SPIDR: variants seen among roughly 807,000 people sequenced by gnomAD.
SPIDR encodes DNA repair-scaffolding protein.
Under a neutral mutation model 104.6 loss-of-function variants are expected in SPIDR, and 93 were observed. That is an observed-to-expected ratio of 0.89 (90% confidence interval 0.75 to 1.06). The LOEUF (loss-of-function observed/expected upper bound fraction) is 1.06. Among genes scored for constraint, SPIDR ranks in the 50% least tolerant of loss-of-function variants. The probability of loss-of-function intolerance (pLI) is 0.00; values close to 1 mark genes in which losing one functional copy is unlikely to be tolerated. For missense variants in SPIDR, 1,154 were observed against 1,111.2 expected (o/e 1.04, Z -0.55); for synonymous variants, 431 against 416.9 (o/e 1.03, Z -0.41).
chr8:47,620,352 G>T (rs190059415), intron 10 of SPIDR, among the ~76,000 whole-genome samples: 79 of 145,340 alleles, frequency 5.4e-4, no homozygotes, highest in Non-Finnish European at 4.5e-5. Context: ...TTGGCTCACT[G>T]CAACCTCTGC....
chr8:47,552,874 G>A (rs1167834490), intron 8 of SPIDR, among the ~76,000 whole-genome samples: 4 of 152,152 alleles, frequency 2.6e-5, no homozygotes, highest in Non-Finnish European at 5.9e-5. Flanking sequence ...TTTACAATTT[G>A]GCATGTTTTT....
chr8:47,322,202 A>G lies in SPIDR; in HGVS notation c.525+28172A>G, dbSNP rs992707400. On this transcript the variant is annotated intron_variant, in intron 5 of 19. Transcript: ENST00000297423. ...ATTTTTACAGTCTGCTCATCTGACA[A>G]AGGGCTAATATCCAGAATCTACAAT... is the stretch of plus-strand genomic sequence containing the variant. Among the ~76,000 whole-genome samples the G allele has an allele frequency of 6.6e-5, 10 of 152,336 alleles. No homozygotes were observed. The East Asian group carries it at 1.7e-3, about 26-fold the overall frequency.
At chr8:47,505,448 T>C (rs992238727) in intron 8 of SPIDR, among the ~76,000 whole-genome samples, 5 of 152,298 alleles carry the variant, frequency 3.3e-5, no homozygotes, top group Middle Eastern at 6.8e-3. Flanking sequence ...GTGCGGGATA[T>C]AATCTCCTGG....
intron 17 of SPIDR, 122 bp from the exon 18 acceptor site, chr8:47,728,811 T>G: frequency 8.3e-7 from 1 of 1,197,938 alleles, no homozygotes; most frequent in Non-Finnish European, 1.2e-6. Flanking sequence ...AACTTGATTC[T>G]GAGAGTAAAG....
At chr8:47,505,805 C>T (rs1321544520) in intron 8 of SPIDR, among the ~76,000 whole-genome samples, 2 of 152,178 alleles carry the variant, frequency 1.3e-5, no homozygotes, top group Admixed American at 6.5e-5. Flanking sequence ...CAGTGCCACC[C>T]GGGCTTCCCT....
chr8:47,504,274 G>A (rs1211728180), intron 8 of SPIDR, among the ~76,000 whole-genome samples: 2 of 152,184 alleles, frequency 1.3e-5, no homozygotes, highest in African/African-American at 2.4e-5. Context: ...AGGTACACCA[G>A]TCAGACATAG....
At chr8:47,354,466 G>A (rs2054145125) in intron 5 of SPIDR, among the ~76,000 whole-genome samples, 1 of 151,392 alleles carries the variant, frequency 6.6e-6, no homozygotes. Flanking sequence ...TGAGAATTAC[G>A]CATATTTAAA....
chr8:47,325,698 A>G (rs567499992), intron 5 of SPIDR, among the ~76,000 whole-genome samples: 3 of 152,296 alleles, frequency 2.0e-5, no homozygotes, highest in East Asian at 1.9e-4. Context: ...TGTAGCTTCA[A>G]CATTCGAGAC....
chr8:47,660,751 G>A (rs1040140057), intron 10 of SPIDR, among the ~76,000 whole-genome samples: 1 of 152,180 alleles, frequency 6.6e-6, no homozygotes, highest in Non-Finnish European at 1.5e-5. Flanking sequence ...GGTATACCCT[G>A]TGCCACTCTC....
intron 5 of SPIDR, among the ~76,000 whole-genome samples, chr8:47,393,701 T>TCCTTG (rs2060893168): frequency 6.9e-6 from 1 of 145,344 alleles, no homozygotes; most frequent in African/African-American, 2.6e-5. Flanking sequence ...TCCTTTCCTT[T>TCCTTG]CCTTTCCTTT....
At chr8:47,660,098 T>C (rs1452195704) in intron 10 of SPIDR, among the ~76,000 whole-genome samples, 1 of 152,192 alleles carries the variant, frequency 6.6e-6, no homozygotes, top group Non-Finnish European at 1.5e-5. Context: ...GAAGGGACAG[T>C]TAAAACTTTT....
intron 8 of SPIDR, among the ~76,000 whole-genome samples, chr8:47,470,182 G>A (rs2154357270): frequency 6.6e-6 from 1 of 152,274 alleles, no homozygotes; most frequent in Non-Finnish European, 1.5e-5. Context: ...TAAAACAGTA[G>A]GGTACTAGTA....
chr8:47,634,498 A>G (rs916051531), intron 10 of SPIDR, among the ~76,000 whole-genome samples: 1 of 152,224 alleles, frequency 6.6e-6, no homozygotes, highest in Non-Finnish European at 1.5e-5. Flanking sequence ...TTCCAAATAC[A>G]AAAGTGAGAA....
chr8:47,730,609 CT>C (rs1218764409), intron 19 of SPIDR, among the ~76,000 whole-genome samples: 1 of 152,184 alleles, frequency 6.6e-6, no homozygotes, highest in Non-Finnish European at 1.5e-5. Context: ...TAGGCAGAGT[CT>C]TACTCTGTCA....
chr8:47,419,863 C>G (rs1422861079), intron 7 of SPIDR, among the ~76,000 whole-genome samples: 1 of 152,110 alleles, frequency 6.6e-6, no homozygotes, highest in African/African-American at 2.4e-5. Flanking sequence ...TTTCTGCCTT[C>G]ATTTCGTTAT....
chr8:47,418,544 A>T (rs1489087763), intron 7 of SPIDR, among the ~76,000 whole-genome samples: 1 of 152,162 alleles, frequency 6.6e-6, no homozygotes, highest in Non-Finnish European at 1.5e-5. Context: ...TTTTCTAGAT[A>T]TACAATCATG....
chr8:47,272,931 G>C (rs2035631211), intron 1 of SPIDR, among the ~76,000 whole-genome samples: 1 of 152,136 alleles, frequency 6.6e-6, no homozygotes, highest in South Asian at 2.1e-4. Flanking sequence ...CACTTCAAAT[G>C]AGTTACAGAA....
chr8:47,331,965 C>CTTTTTTTTTTTTTTTTTTTTT (rs1183447584), intron 5 of SPIDR, among the ~76,000 whole-genome samples: 1 of 32,712 alleles, frequency 3.1e-5, no homozygotes, highest in Non-Finnish European at 6.6e-5. Context: ...TTTTTTTAAA[C>CTTTTTTTTTTTTTTTTTTTTT]TTTTTTTTTT....
At chr8:47,333,897 A>G (rs1223632542) in intron 5 of SPIDR, among the ~76,000 whole-genome samples, 1 of 152,234 alleles carries the variant, frequency 6.6e-6, no homozygotes, top group Non-Finnish European at 1.5e-5. Context: ...ATTATGTGGC[A>G]TGTGACTGTA....
Sources: allele counts gnomAD v4.1 joint callset (sites outside exome capture counted in the v4.1 genomes callset), GRCh38; gene constraint gnomAD v4.1.1; transcripts MANE v1.5; gene names NCBI Gene and HGNC (gene_info 2026-07-23, HGNC 2026-07-21).